Variants in CCDC91 observed in about 807,000 individuals in gnomAD.
CCDC91 encodes coiled-coil domain containing 91.
A neutral mutation model predicts 63.2 loss-of-function variants in CCDC91; 48 were observed. The ratio of observed to expected loss-of-function variants is 0.76; its 90% CI spans 0.60 to 0.97. The LOEUF is 0.97. CCDC91 is among the 50% of genes least tolerant of loss of function. The probability of loss-of-function intolerance (pLI) is 0.00; values close to 1 mark genes in which losing one functional copy is unlikely to be tolerated. For synonymous variants in CCDC91, 167 were observed against 165.8 expected (o/e 1.01, Z -0.06); for missense variants, 500 against 494.6 (o/e 1.01, Z -0.10).
chr12:28,241,459 T>C (rs1450208386), intron 1 of CCDC91, among the ~76,000 whole-genome samples: 1 of 152,196 alleles, frequency 6.6e-6, no homozygotes, highest in African/African-American at 2.4e-5. Flanking sequence ...TTGCTTTGTA[T>C]GAAGAATAGT....
chr12:28,468,564 G>A (rs1472673628), intron 11 of CCDC91, among the ~76,000 whole-genome samples: 1 of 151,966 alleles, frequency 6.6e-6, no homozygotes, highest in African/African-American at 2.4e-5. Flanking sequence ...ATTAATAGAT[G>A]AGGATGGATT....
chr12:28,400,133 G>A (rs1406137820), intron 8 of CCDC91, among the ~76,000 whole-genome samples: 1 of 152,170 alleles, frequency 6.6e-6, no homozygotes, highest in Non-Finnish European at 1.5e-5. Context: ...TGGACATCCA[G>A]GCATTTCCAT....
chr12:28,289,685 C>CTT (rs75555723), intron 3 of CCDC91, among the ~76,000 whole-genome samples: 3,139 of 98,034 alleles, frequency 0.032, 284 homozygotes, highest in East Asian at 0.12. Context: ...CTTTTCTTTT[C>CTT]TTTTTTTTTT....
chr12:28,519,896 A>G (rs1940416164), intron 12 of CCDC91, among the ~76,000 whole-genome samples: 1 of 151,982 alleles, frequency 6.6e-6, no homozygotes, highest in East Asian at 1.9e-4. Flanking sequence ...AAAGGACATG[A>G]ACTCTTCCTT....
intron 1 of CCDC91, among the ~76,000 whole-genome samples, chr12:28,202,592 C>CTGGT (rs1942544940): frequency 6.6e-6 from 1 of 152,212 alleles, no homozygotes; most frequent in South Asian, 2.1e-4. Context: ...CCAGCCTTTG[C>CTGGT]TGGTGGTCTC....
At chr12:28,478,018 T>G (rs1019710282) in intron 11 of CCDC91, among the ~76,000 whole-genome samples, 2 of 152,076 alleles carry the variant, frequency 1.3e-5, no homozygotes, top group Non-Finnish European at 2.9e-5. Flanking sequence ...ATCAATATCG[T>G]GAAAATGGCC....
chr12:28,378,181 A>G (rs898312995), intron 7 of CCDC91, among the ~76,000 whole-genome samples: 6 of 152,048 alleles, frequency 3.9e-5, no homozygotes, highest in Admixed American at 3.3e-4. Context: ...CTAATTTCCT[A>G]TGTTAACCAA....
At chr12:28,195,700 TTATTTC>T (rs1276093529) in intron 1 of CCDC91, among the ~76,000 whole-genome samples, 48 of 152,360 alleles carry the variant, frequency 3.2e-4, no homozygotes, top group African/African-American at 1.2e-3. Flanking sequence ...TAGAATCTCT[TTATTTC>T]TATATAAAAG....
intron 1 of CCDC91, among the ~76,000 whole-genome samples, chr12:28,228,841 A>G (rs1186582265): frequency 1.3e-5 from 2 of 152,080 alleles, no homozygotes; most frequent in Non-Finnish European, 2.9e-5. Flanking sequence ...TTGATTGTTC[A>G]CCTCTACCAA....
intron 8 of CCDC91, among the ~76,000 whole-genome samples, chr12:28,410,103 C>T (rs577113475): frequency 5.3e-5 from 8 of 152,224 alleles, no homozygotes; most frequent in African/African-American, 1.9e-4. Context: ...ACTTGTTCTG[C>T]TAGTCATTGA....
chr12:28,488,507 T>A (rs567229295), intron 12 of CCDC91, among the ~76,000 whole-genome samples: 129 of 151,966 alleles, frequency 8.5e-4, no homozygotes, highest in African/African-American at 2.9e-3. Context: ...TGCCTTTTTA[T>A]AAGAATTCTA....
At position 28,391,357 on chromosome 12, in the gene CCDC91, C is replaced by T. The variant is rs1384437411; in HGVS notation, c.708C>T (p.Tyr236=). Reference sequence around the variant, plus strand: ...AAGTAGAAGCTATTGAAAAACAGTACATTTCTGCAATTGAGAAACAGGCAC... The same window carrying T: ...AAGTAGAAGCTATTGAAAAACAGTATATTTCTGCAATTGAGAAACAGGCAC... ...KQQVEAIEKQ[Y]ISAIEKQAHK... The change falls in exon 8 of 13, where the codon TAC becomes TAT. Residue 236 remains tyrosine (Y), a synonymous_variant. Transcript: ENST00000536442. 1 of 1,613,056 alleles carries T rather than the reference C, an allele frequency of 6.2e-7. No homozygotes were observed. The highest frequency in any genetic ancestry group is 8.5e-7 in the Non-Finnish European group (1 of 1,179,286).
chr12:28,297,887 A>G (rs1264512003), intron 3 of CCDC91, among the ~76,000 whole-genome samples: 4 of 151,844 alleles, frequency 2.6e-5, no homozygotes, highest in African/African-American at 4.8e-5. Flanking sequence ...AAGCACACAC[A>G]TTTAAAACAT....
At chr12:28,476,139 G>C (rs11049646) in intron 11 of CCDC91, among the ~76,000 whole-genome samples, 31,720 of 151,842 alleles carry the variant, frequency 0.21, 4,347 homozygotes, top group Non-Finnish European at 0.31. Flanking sequence ...AGACTTTCTC[G>C]TAACTTTAAA....
At position 28,362,398 on chromosome 12, in the gene CCDC91, A is replaced by G. The variant is rs771204722; in HGVS notation, c.577-40A>G. 2.8e-5 allele frequency: 40 copies of G among 1,403,600 alleles called. 1 individual carries two copies. Among genetic ancestry groups the G allele is most frequent in the Non-Finnish European group, 3.6e-5 (37 of 1,023,698 alleles). 86.9% of individuals were successfully genotyped at this position (1,403,600 alleles called of 1,614,324 possible). The stretch of plus-strand genomic sequence containing the variant: ...GGTTTTATTATTTTGAAAACAAAAC[A>G]GAAGAAAAACTCATGGTTTTAGTTT... On this transcript the variant is annotated intron_variant, in intron 6 of 12. Transcript: ENST00000536442.
intron 3 of CCDC91, among the ~76,000 whole-genome samples, chr12:28,275,734 C>G (rs143160033): frequency 0.022 from 3,298 of 152,218 alleles, 56 homozygotes; most frequent in South Asian, 0.04. Flanking sequence ...AAAATACTGG[C>G]AAACCAAATC....
intron 12 of CCDC91, among the ~76,000 whole-genome samples, chr12:28,521,562 A>G (rs949189825): frequency 9.2e-5 from 14 of 152,056 alleles, no homozygotes; most frequent in African/African-American, 3.1e-4. Flanking sequence ...AATACCCTTT[A>G]TTTCTTTCTC....
intron 8 of CCDC91, among the ~76,000 whole-genome samples, chr12:28,393,546 C>T (rs984189093): frequency 2.0e-5 from 3 of 152,052 alleles, no homozygotes; most frequent in Non-Finnish European, 2.9e-5. Context: ...TGTCTCTTTT[C>T]CCTAAACCAT....
chr12:28,206,576 T>C (rs954579170), intron 1 of CCDC91, among the ~76,000 whole-genome samples: 1 of 152,120 alleles, frequency 6.6e-6, no homozygotes, highest in African/African-American at 2.4e-5. Flanking sequence ...CTCAAATAGA[T>C]CAGAGAATGA....
Sources: allele counts gnomAD v4.1 joint callset (sites outside exome capture counted in the v4.1 genomes callset), GRCh38; gene constraint gnomAD v4.1.1; transcripts MANE v1.5; gene names NCBI Gene and HGNC (gene_info 2026-07-23, HGNC 2026-07-21).